The following MTHFD1L variants were observed in gnomAD, a reference collection of about 807,000 sequenced individuals.
MTHFD1L encodes the protein methylenetetrahydrofolate dehydrogenase (NADP+ dependent) 1 like.
In MTHFD1L, 81 loss-of-function variants were observed where a neutral mutation model predicts 119.5. The observed-to-expected ratio is 0.68, with a 90% confidence interval of 0.57 to 0.82. The LOEUF is 0.82. Ranked by LOEUF, MTHFD1L falls within the 40% of genes least tolerant of loss-of-function variation. The pLI, the probability that MTHFD1L is intolerant of heterozygous loss-of-function variation, is 0.00. For missense variants in MTHFD1L, 1,125 were observed against 1,253.4 expected, an observed-to-expected ratio of 0.90 and a Z score of 1.55; for synonymous variants, 430 against 475.2, an observed-to-expected ratio of 0.90 and a Z score of 1.24.
intron 26 of MTHFD1L, among the ~76,000 whole-genome samples, chr6:151,049,921 G>A (rs996083131): frequency 1.3e-5 from 2 of 152,068 alleles, no homozygotes; most frequent in Admixed American, 1.3e-4. Context: ...CCCCATTTCT[G>A]ATTGTGAGTC....
At chr6:151,030,240 C>T (rs1785146334) in intron 24 of MTHFD1L, among the ~76,000 whole-genome samples, 1 of 152,230 alleles carries the variant, frequency 6.6e-6, no homozygotes, top group Admixed American at 6.5e-5. Flanking sequence ...TGCATTCTCT[C>T]TGAGCCCTTC....
intron 1 of MTHFD1L, among the ~76,000 whole-genome samples, chr6:150,874,532 A>G (rs1780075910): frequency 6.6e-6 from 1 of 152,182 alleles, no homozygotes; most frequent in Admixed American, 6.5e-5. Flanking sequence ...TTCACCCCGC[A>G]TTTTTGTTAG....
chr6:151,022,301 A>G, intron 24 of MTHFD1L: 1 of 272,664 alleles, frequency 3.7e-6, no homozygotes, highest in Non-Finnish European at 7.5e-6. Flanking sequence ...TGTGAGAACT[A>G]TCCTTTACAT....
At chr6:150,898,878 A>G in intron 7 of MTHFD1L, 1 of 438,122 alleles carries the variant, frequency 2.3e-6, no homozygotes, top group South Asian at 2.2e-5. Flanking sequence ...TCGTTCTGTC[A>G]CCAGGCTGGA....
intron 15 of MTHFD1L, 49 bp from the exon 16 acceptor site, chr6:150,948,982 C>T: frequency 6.7e-7 from 1 of 1,487,414 alleles, no homozygotes; most frequent in Non-Finnish European, 9.3e-7. Flanking sequence ...TGACCCTTTG[C>T]TTTCTGTTTC....
chr6:150,919,563 C>A (rs1391472187), intron 9 of MTHFD1L, among the ~76,000 whole-genome samples: 6 of 152,264 alleles, frequency 3.9e-5, no homozygotes, highest in Non-Finnish European at 8.8e-5. Context: ...AAGCATAACA[C>A]AGGCATCTGC....
intron 27 of MTHFD1L, chr6:151,099,892 A>G: frequency 4.2e-6 from 6 of 1,420,274 alleles, no homozygotes; most frequent in Non-Finnish European, 5.9e-6. Flanking sequence ...CATCACAGTC[A>G]CCAACCCCAG....
At chr6:151,015,146 T>C (rs1782843977) in intron 23 of MTHFD1L, among the ~76,000 whole-genome samples, 166 bp downstream of exon 23, 1 of 152,098 alleles carries the variant, frequency 6.6e-6, no homozygotes, top group Admixed American at 6.6e-5. Context: ...TTAGCAAATG[T>C]GTTCTCACAA....
chr6:150,910,279 C>A (rs543557385), intron 8 of MTHFD1L, among the ~76,000 whole-genome samples: 5 of 151,740 alleles, frequency 3.3e-5, no homozygotes, highest in African/African-American at 7.2e-5. Context: ...AAAAAAAATT[C>A]TTGGCCGGAT....
At chr6:150,978,251 G>C (rs1463897423) in intron 20 of MTHFD1L, among the ~76,000 whole-genome samples, 1 of 151,964 alleles carries the variant, frequency 6.6e-6, no homozygotes, top group African/African-American at 2.4e-5. Flanking sequence ...TCTCACAGGG[G>C]ACCATGACAT....
chr6:150,889,033 C>G (rs773030457), intron 7 of MTHFD1L, among the ~76,000 whole-genome samples: 2 of 152,098 alleles, frequency 1.3e-5, no homozygotes, highest in African/African-American at 4.8e-5. Context: ...AAAAATTAGC[C>G]GGGCGTGTCG....
chr6:151,072,521 G>A (rs779352110), intron 26 of MTHFD1L, among the ~76,000 whole-genome samples: 3 of 151,924 alleles, frequency 2.0e-5, no homozygotes, highest in Non-Finnish European at 4.4e-5. Context: ...CAGGTGTGGT[G>A]GCTCACACCT....
chr6:151,051,654 C>A (rs773716306), intron 26 of MTHFD1L, among the ~76,000 whole-genome samples: 128 of 152,304 alleles, frequency 8.4e-4, no homozygotes, highest in Admixed American at 1.4e-3. Context: ...CATACCCCCC[C>A]AGAGGCAGCA....
At chr6:150,989,585 G>A (rs1184117752) in intron 20 of MTHFD1L, among the ~76,000 whole-genome samples, 4 of 152,140 alleles carry the variant, frequency 2.6e-5, no homozygotes, top group South Asian at 2.1e-4. Flanking sequence ...ATATGTAAAT[G>A]TCAATAGTTT....
chr6:150,929,127 G>T (rs546888983), intron 11 of MTHFD1L, among the ~76,000 whole-genome samples: 1 of 152,338 alleles, frequency 6.6e-6, no homozygotes, highest in East Asian at 1.9e-4. Flanking sequence ...GCAAGGAGCT[G>T]CCTCTGGTTA....
chr6:150,890,912 A>G (rs1783145017), intron 7 of MTHFD1L, among the ~76,000 whole-genome samples: 1 of 152,242 alleles, frequency 6.6e-6, no homozygotes. Flanking sequence ...ATAGTTCATA[A>G]AACAATGATA....
At chr6:150,877,953 G>A (rs1359967509) in intron 4 of MTHFD1L, 127 bp downstream of exon 4, 1 of 1,076,138 alleles carries the variant, frequency 9.3e-7, no homozygotes, top group Non-Finnish European at 1.4e-6. Flanking sequence ...TTAGAGGGAA[G>A]ACTTCACTTC....
At chr6:150,974,845 T>C (rs1335541986) in intron 20 of MTHFD1L, among the ~76,000 whole-genome samples, 6 of 151,522 alleles carry the variant, frequency 4.0e-5, no homozygotes, top group Admixed American at 2.6e-4. Context: ...CAAGCGATCC[T>C]CCTACCTCAG....
chr6:151,014,334 G>A (rs1274699667), intron 22 of MTHFD1L, among the ~76,000 whole-genome samples: 1 of 152,214 alleles, frequency 6.6e-6, no homozygotes, highest in Non-Finnish European at 1.5e-5. Context: ...CTACTATTGT[G>A]TACTCCCAGG....
Sources: gnomAD v4.1 joint callset for allele counts (sites outside exome capture counted in the v4.1 genomes callset) on GRCh38, gnomAD v4.1.1 for gene constraint, MANE v1.5 for transcripts, NCBI Gene and HGNC (gene_info 2026-07-23, HGNC 2026-07-21) for gene names.